Variants in POTEJ observed in about 807,000 individuals in gnomAD.
The protein encoded by POTEJ is POTE ankyrin domain family, member J.
POTEJ carries 11 observed loss-of-function variants against 69.0 expected under a neutral mutation model. That is an observed-to-expected ratio of 0.16 (90% CI 0.10 to 0.26). The LOEUF is 0.26. Ranked by LOEUF, POTEJ falls within the 10% of genes least tolerant of loss-of-function variation. The pLI, the probability that POTEJ is intolerant of heterozygous loss-of-function variation, is 1.00. For synonymous variants in POTEJ, 117 were observed against 381.1 expected (o/e 0.31, Z 8.07); for missense variants, 327 against 1,045.5 (o/e 0.31, Z 9.48).
rs1230092029 is a variant in POTEJ at position 130,623,996 on chromosome 2, C to T, written c.945-68C>T. On this transcript the variant is annotated intron_variant, in intron 5 of 14. Transcript: ENST00000409602. Reference sequence around the variant, plus strand: ...ATTGTTTGAAATACTCTTAATAATTCTGCATTTGGTAAGATTTTTATATCA... The same window carrying T: ...ATTGTTTGAAATACTCTTAATAATTTTGCATTTGGTAAGATTTTTATATCA... 5.3e-5 allele frequency: 78 copies of T among 1,464,376 alleles called. 8 individuals carry two copies. Among genetic ancestry groups the T allele is most frequent in the Non-Finnish European group, 7.1e-5 (77 of 1,081,978 alleles). The allele number at this position is 1,464,376 out of a possible 1,614,324, so 90.7% of individuals were successfully genotyped here. A position where few individuals can be genotyped will look rare whatever the true frequency, so the allele number is the denominator to read the frequency against.
intron 1 of POTEJ, among the ~76,000 whole-genome samples, chr2:130,613,582 T>C (rs1181620883): frequency 7.3e-6 from 1 of 136,708 alleles, no homozygotes; most frequent in Non-Finnish European, 1.5e-5. Context: ...TTTGTATTTT[T>C]ACTAGAGATG....
intron 1 of POTEJ, among the ~76,000 whole-genome samples, chr2:130,612,427 G>A (rs1478854219): frequency 8.4e-4 from 126 of 150,510 alleles, no homozygotes; most frequent in African/African-American, 2.9e-3. Context: ...ACTGAAATGG[G>A]AAGATGGTTC....
chr2:130,641,477 A>G (rs1380481060), intron 10 of POTEJ, among the ~76,000 whole-genome samples: 3 of 148,742 alleles, frequency 2.0e-5, no homozygotes, highest in Admixed American at 6.8e-5. Flanking sequence ...CATTTTGTAA[A>G]TGTTTGTGTT....
At chr2:130,645,247 A>C (rs1686536411) in intron 11 of POTEJ, among the ~76,000 whole-genome samples, 1 of 13,362 alleles carries the variant, frequency 7.5e-5, no homozygotes, top group Admixed American at 8.3e-4. Flanking sequence ...GGCTCCTAAT[A>C]GTTTAAAGGG....
chr2:130,650,285 T>G (rs1686761568), intron 13 of POTEJ, among the ~76,000 whole-genome samples: 1 of 152,280 alleles, frequency 6.6e-6, no homozygotes. Context: ...GGGACTTTTC[T>G]GGCCATCCCA....
rs558698489 is a variant in POTEJ, at chr2:130,613,290, A to G, written c.410+1348A>G. On this transcript the variant is annotated intron_variant, in intron 1 of 14. Transcript: ENST00000409602. Reference sequence around the variant, plus strand: ...CATATATATACATATGTATATATACATATATATACATATGTATATATACAT... The same window carrying G: ...CATATATATACATATGTATATATACGTATATATACATATGTATATATACAT... 8.2e-4 allele frequency among the ~76,000 whole-genome samples: 81 copies of G among 98,586 alleles called. 2 individuals carry two copies. The highest frequency in any genetic ancestry group is 1.8e-3 in the South Asian group (7 of 3,898). 64.7% of individuals were successfully genotyped at this position (98,586 alleles called of 152,430 possible).
At chr2:130,613,066 G>A (rs1447144529) in intron 1 of POTEJ, among the ~76,000 whole-genome samples, 6 of 134,978 alleles carry the variant, frequency 4.4e-5, no homozygotes, top group Non-Finnish European at 7.8e-5. Context: ...TAATGGTGAT[G>A]TTTTGTATTA....
At chr2:130,643,282 C>A (rs1438496096) in intron 10 of POTEJ, among the ~76,000 whole-genome samples, 1 of 139,520 alleles carries the variant, frequency 7.2e-6, no homozygotes, top group East Asian at 2.0e-4. Context: ...ACCTGTAATC[C>A]CAGCACTTTC....
At chr2:130,641,084 T>G (rs1686350439) in intron 10 of POTEJ, among the ~76,000 whole-genome samples, 1 of 152,198 alleles carries the variant, frequency 6.6e-6, no homozygotes, top group South Asian at 2.1e-4. Context: ...GCTGTTGTAG[T>G]GTGAAAGCCA....
Position 130,643,242 on chromosome 2 carries a change from A to G in POTEJ, c.1370-741A>G, listed in dbSNP as rs560925139. Among the ~76,000 whole-genome samples the G allele has an allele frequency of 2.0e-4, 28 of 142,838 alleles. 1 individual carries two copies. Among genetic ancestry groups the G allele is most frequent in the Middle Eastern group, 3.8e-3 (1 of 262 alleles). The allele number at this position is 142,838 out of a possible 152,430, so 93.7% of individuals were successfully genotyped here. On this transcript the variant is annotated intron_variant, in intron 10 of 14. Coordinates refer to ENST00000409602, the MANE Select transcript of POTEJ (RefSeq NM_001277083.2). ...ACTTCACATAGCATTGTTTCAAAAGATGAAAATAAGGCCAGGTGTGGTGGC... is the reference window on the plus strand; with the variant it reads ...ACTTCACATAGCATTGTTTCAAAAGGTGAAAATAAGGCCAGGTGTGGTGGC...
At chr2:130,653,393 C>T (rs993767454) in intron 13 of POTEJ, among the ~76,000 whole-genome samples, 1 of 141,964 alleles carries the variant, frequency 7.0e-6, no homozygotes, top group African/African-American at 2.6e-5. Flanking sequence ...TATACGAGTA[C>T]CACGCTGCTT....
At chr2:130,656,326 G>A (rs1465469618) in intron 14 of POTEJ, among the ~76,000 whole-genome samples, 1 of 141,186 alleles carries the variant, frequency 7.1e-6, no homozygotes, top group African/African-American at 2.8e-5. Flanking sequence ...TTTAGGAGCA[G>A]ATTCCTAAAA....
At chr2:130,639,897 GA>G in intron 10 of POTEJ, among the ~76,000 whole-genome samples, 1 of 152,370 alleles carries the variant, frequency 6.6e-6, no homozygotes, top group African/African-American at 2.4e-5. Flanking sequence ...TAAGGCTACA[GA>G]ACACAAAAAC....
chr2:130,642,038 A>G (rs1383994524), intron 10 of POTEJ, among the ~76,000 whole-genome samples: 2 of 150,808 alleles, frequency 1.3e-5, no homozygotes, highest in East Asian at 3.8e-4. Flanking sequence ...GTATGAAGGC[A>G]GCTCAGCAAA....
intron 7 of POTEJ, among the ~76,000 whole-genome samples, chr2:130,630,983 G>T (rs1255672612): frequency 6.9e-6 from 1 of 143,908 alleles, no homozygotes; most frequent in Admixed American, 6.8e-5. Flanking sequence ...GCACTGTAGG[G>T]GCTCACTTGT....
intron 13 of POTEJ, among the ~76,000 whole-genome samples, chr2:130,646,969 C>T (rs1202931324): frequency 6.7e-6 from 1 of 148,554 alleles, no homozygotes; most frequent in Non-Finnish European, 1.5e-5. Context: ...ACAGAGTAAG[C>T]ATATATAATA....
chr2:130,637,175 G>C lies in POTEJ; in HGVS notation c.1299-1444G>C, dbSNP rs1431487316. ...AAATCGTTTTGGCTCTTTATAATAA[G>C]CTACATTGTTTATATTAATTTTTTT... On this transcript the variant is annotated intron_variant, in intron 9 of 14. Transcript: ENST00000409602. 2.7e-5 allele frequency among the ~76,000 whole-genome samples: 4 copies of C among 150,086 alleles called. No homozygotes were observed. In the Admixed American group the frequency reaches 2.7e-4, roughly 10 times the overall value.
intron 10 of POTEJ, among the ~76,000 whole-genome samples, chr2:130,643,327 C>T (rs1364299389): frequency 1.5e-5 from 2 of 132,580 alleles, no homozygotes; most frequent in African/African-American, 5.6e-5. Flanking sequence ...TCGAGACCAT[C>T]CTGTCCAATG....
intron 1 of POTEJ, among the ~76,000 whole-genome samples, chr2:130,612,563 A>G (rs2105190851): frequency 6.6e-6 from 1 of 152,392 alleles, no homozygotes; most frequent in Admixed American, 6.5e-5. Flanking sequence ...GATCGAGACC[A>G]TCCTGGCTAA....
Sources: gnomAD v4.1 joint callset for allele counts (sites outside exome capture counted in the v4.1 genomes callset) on GRCh38, gnomAD v4.1.1 for gene constraint, MANE v1.5 for transcripts, NCBI Gene and HGNC (gene_info 2026-07-23, HGNC 2026-07-21) for gene names.